SLC10A6: variants seen among roughly 807,000 people sequenced by gnomAD.
SLC10A6 encodes the protein solute carrier family 10 member 6, also known as sodium-dependent organic anion transporter.
In SLC10A6, 27 loss-of-function variants were observed where a neutral mutation model predicts 30.0. The ratio of observed to expected loss-of-function variants is 0.90; its 90% CI spans 0.66 to 1.24. The LOEUF (loss-of-function observed/expected upper bound fraction) is 1.24, where lower values mean the gene tolerates loss of function less well. Among genes scored for constraint, SLC10A6 ranks in the 50% most tolerant of loss-of-function variants. The pLI is 0.00. For synonymous variants in SLC10A6, 166 were observed against 173.8 expected, an observed-to-expected ratio of 0.95 and a Z score of 0.36; for missense variants, 439 against 457.0, an observed-to-expected ratio of 0.96 and a Z score of 0.36.
intron 3 of SLC10A6, among the ~76,000 whole-genome samples, chr4:86,829,508 G>A: frequency 6.6e-6 from 1 of 150,958 alleles, no homozygotes; most frequent in East Asian, 1.9e-4. Flanking sequence ...GAGCAAATGG[G>A]GAACACTTAA....
chr4:86,826,596 C>T (rs907603576), intron 4 of SLC10A6, among the ~76,000 whole-genome samples: 18 of 151,282 alleles, frequency 1.2e-4, no homozygotes, highest in African/African-American at 4.4e-4. Context: ...ACACAAAAAC[C>T]CTGAATAAAG....
At chr4:86,833,685 G>A (rs1419760826) in intron 1 of SLC10A6, among the ~76,000 whole-genome samples, 3 of 151,904 alleles carry the variant, frequency 2.0e-5, no homozygotes, top group Non-Finnish European at 2.9e-5. Context: ...AGGCACTATA[G>A]AATTATTTTC....
intron 1 of SLC10A6, among the ~76,000 whole-genome samples, chr4:86,838,128 A>G (rs1450726769): frequency 6.6e-6 from 1 of 152,228 alleles, no homozygotes; most frequent in Non-Finnish European, 1.5e-5. Flanking sequence ...ATGATACTAA[A>G]AAGATTCCCT....
chr4:86,847,236 C>T (rs1746407004), intron 1 of SLC10A6, among the ~76,000 whole-genome samples: 1 of 152,054 alleles, frequency 6.6e-6, no homozygotes, highest in African/African-American at 2.4e-5. Flanking sequence ...CAATAAAAGG[C>T]CATTTACAAG....
intron 2 of SLC10A6, among the ~76,000 whole-genome samples, chr4:86,832,332 C>T (rs1239974559): frequency 3.3e-5 from 5 of 152,114 alleles, no homozygotes; most frequent in Non-Finnish European, 5.9e-5. Context: ...TGGCCAGGCA[C>T]GGTGGCTTAC....
chr4:86,831,198 A>G (rs1746075800), intron 3 of SLC10A6, among the ~76,000 whole-genome samples: 1 of 152,218 alleles, frequency 6.6e-6, no homozygotes, highest in South Asian at 2.1e-4. Flanking sequence ...CAGCAGACAA[A>G]GGGCAGGACT....
rs551060475 is a variant in SLC10A6, at chr4:86,831,683, G to A, written c.585+109C>T. 9 of 832,548 alleles carry A rather than the reference G, an allele frequency of 1.1e-5. No homozygotes were observed. In the South Asian group the frequency reaches 1.2e-4, roughly 11 times the overall value. The allele number at this position is 832,548 out of a possible 1,614,324, so 51.6% of individuals were successfully genotyped here. A position where few individuals can be genotyped will look rare whatever the true frequency, so the allele number is the denominator to read the frequency against. ...CACAGGATGTGTAAGAAGAATTTCT[G>A]GGTGTGGGGCCGTACTCAACAAGCT... On this transcript the variant is annotated intron_variant, in intron 3 of 5. Coordinates refer to ENST00000273905, the MANE Select transcript of SLC10A6 (RefSeq NM_197965.3).
At chr4:86,844,264 A>G (rs925869804) in intron 1 of SLC10A6, among the ~76,000 whole-genome samples, 4 of 152,234 alleles carry the variant, frequency 2.6e-5, no homozygotes, top group African/African-American at 9.6e-5. Context: ...TGATCCAGTC[A>G]GTAAGTGATG....
Position 86,823,564 on chromosome 4 carries a change from A to C in SLC10A6, c.*124T>G, listed in dbSNP as rs1455401315. The C allele has an allele frequency of 1.4e-6, 1 of 725,062 alleles. No individual in the cohort carries two copies. The highest frequency in any genetic ancestry group is 2.2e-6 in the Non-Finnish European group (1 of 462,112). 44.9% of individuals were successfully genotyped at this position (725,062 alleles called of 1,614,324 possible). On this transcript the variant is annotated 3_prime_UTR_variant, in exon 6 of 6. Coordinates refer to ENST00000273905, the MANE Select transcript of SLC10A6 (RefSeq NM_197965.3). ...ATTCACAATCCACATGAAAATATAA[A>C]TATTCTAACATTGAACACTTAAATA...
intron 4 of SLC10A6, 135 bp from the exon 5 acceptor site, chr4:86,825,712 G>T: frequency 1.0e-6 from 1 of 960,036 alleles, no homozygotes; most frequent in Non-Finnish European, 1.5e-6. Flanking sequence ...ATAGTTATTT[G>T]CTGAGTGCCT....
At chr4:86,832,166 A>G (rs1260910181) in intron 2 of SLC10A6, among the ~76,000 whole-genome samples, 1 of 152,186 alleles carries the variant, frequency 6.6e-6, no homozygotes, top group African/African-American at 2.4e-5. Flanking sequence ...TTTCTAAATT[A>G]AGGTTTCCCT....
At chr4:86,834,218 T>C (rs1170404644) in intron 1 of SLC10A6, among the ~76,000 whole-genome samples, 2 of 152,002 alleles carry the variant, frequency 1.3e-5, no homozygotes, top group Non-Finnish European at 2.9e-5. Context: ...GTCTGACACC[T>C]CCCTCCCCTC....
intron 2 of SLC10A6, 76 bp downstream of exon 2, chr4:86,833,230 T>G: frequency 8.6e-7 from 1 of 1,160,922 alleles, no homozygotes; most frequent in South Asian, 1.4e-5. Context: ...GCATAAAGAG[T>G]TATATAATTA....
intron 1 of SLC10A6, among the ~76,000 whole-genome samples, chr4:86,841,832 C>A (rs1453800428): frequency 1.3e-5 from 2 of 152,156 alleles, no homozygotes; most frequent in African/African-American, 4.8e-5. Flanking sequence ...ATCCAGCTAA[C>A]CAGATGGACA....
Position 86,837,343 on chromosome 4 carries a change from A to AAGGAAGGAAGGC in SLC10A6, c.378-3920_378-3919insGCCTTCCTTCCT, listed in dbSNP as rs58692864. 6.1e-3 allele frequency among the ~76,000 whole-genome samples: 631 copies of AAGGAAGGAAGGC among 102,766 alleles called. 30 individuals are homozygous for AAGGAAGGAAGGC. Among genetic ancestry groups the AAGGAAGGAAGGC allele is most frequent in the Non-Finnish European group, 8.4e-3 (418 of 49,532 alleles). 67.4% of individuals were successfully genotyped at this position (102,766 alleles called of 152,430 possible). A position where few individuals can be genotyped will look rare whatever the true frequency, so the allele number is the denominator to read the frequency against. ...GAAGGAAGGAAGGAAGGAAGGAAGG[A>AAGGAAGGAAGGC]AGGCAGGCAGGCAGGCTGGGATTTG... is the stretch of plus-strand genomic sequence containing the variant. On this transcript the variant is annotated intron_variant, in intron 1 of 5. Transcript: ENST00000273905.
At chr4:86,832,139 T>C (rs1201193560) in intron 2 of SLC10A6, among the ~76,000 whole-genome samples, 2 of 152,232 alleles carry the variant, frequency 1.3e-5, no homozygotes, top group Non-Finnish European at 2.9e-5. Flanking sequence ...GAAAAAAAGT[T>C]GCACATAAAA....
intron 5 of SLC10A6, 91 bp from the exon 6 acceptor site, chr4:86,823,993 G>A: frequency 8.5e-7 from 1 of 1,182,386 alleles, no homozygotes; most frequent in Non-Finnish European, 1.2e-6. Flanking sequence ...TCAGGTGTTT[G>A]TTTCAGTGGC....
At chr4:86,843,871 C>T (rs762458878) in intron 1 of SLC10A6, among the ~76,000 whole-genome samples, 1 of 152,126 alleles carries the variant, frequency 6.6e-6, no homozygotes, top group Non-Finnish European at 1.5e-5. Flanking sequence ...TGTAGGAATG[C>T]TTCTCATTTT....
chr4:86,837,069 C>G lies in SLC10A6; in HGVS notation c.378-3645G>C, dbSNP rs139903771. ...ATAATATACTGTGTTTTTGTATTTT[C>G]CATATATATTTTTGGTCTAAATTTA... On this transcript the variant is annotated intron_variant, in intron 1 of 5. Coordinates refer to ENST00000273905, the MANE Select transcript of SLC10A6 (RefSeq NM_197965.3). 2.5e-3 allele frequency among the ~76,000 whole-genome samples: 384 copies of G among 151,600 alleles called. 3 individuals carry two copies. Among genetic ancestry groups the G allele is most frequent in the African/African-American group, 8.4e-3 (347 of 41,292 alleles).
Sources: allele counts gnomAD v4.1 joint callset (sites outside exome capture counted in the v4.1 genomes callset), GRCh38; gene constraint gnomAD v4.1.1; transcripts MANE v1.5; gene names NCBI Gene and HGNC (gene_info 2026-07-23, HGNC 2026-07-21).